USP6: variants seen among roughly 807,000 people sequenced by gnomAD.
The protein encoded by USP6 is ubiquitin specific peptidase 6, also known as ubiquitin carboxyl-terminal hydrolase 6.
USP6 carries 128 observed loss-of-function variants against 175.7 expected under a neutral mutation model. That is an observed-to-expected ratio of 0.73 (90% CI 0.63 to 0.84). The LOEUF (loss-of-function observed/expected upper bound fraction) is 0.84. Ranked by LOEUF, USP6 falls within the 40% of genes least tolerant of loss-of-function variation. The pLI, the probability that USP6 is intolerant of heterozygous loss-of-function variation, is 0.00. For synonymous variants in USP6, 562 were observed against 630.6 expected (o/e 0.89, Z 1.63); for missense variants, 1,498 against 1,760.3 (o/e 0.85, Z 2.67).
rs2074222823 is a variant in USP6, at chr17:5,171,743, A to G, written c.4047+64A>G. 2.1e-5 allele frequency: 31 copies of G among 1,505,388 alleles called. 2 individuals carry two copies. In the South Asian group the frequency reaches 2.8e-4, roughly 13 times the overall value. 93.3% of individuals were successfully genotyped at this position (1,505,388 alleles called of 1,614,324 possible). On this transcript the variant is annotated intron_variant, in intron 37 of 37. Coordinates refer to ENST00000574788, the MANE Select transcript of USP6 (RefSeq NM_001304284.2). ...AACAGAACTGGGGAACATTTGTTGA[A>G]ATAATGGACTATCTCTTGAATAGGA...
At chr17:5,118,077 A>AC (rs1254788340) in intron 1 of USP6, 123 bp from the exon 2 acceptor site, 1 of 152,302 alleles carries the variant, frequency 6.6e-6, no homozygotes, top group South Asian at 2.1e-4. Flanking sequence ...TCAAAAAAAA[A>AC]AAAAAAATCA....
At chr17:5,134,059 C>G (rs552367723) in intron 15 of USP6, 63 bp downstream of exon 15, 4 of 1,548,196 alleles carry the variant, frequency 2.6e-6, no homozygotes, top group African/African-American at 1.4e-5. Context: ...ATGGGGACTT[C>G]CCCGGAGCAG....
At chr17:5,136,122 C>A (rs1175746396) in intron 17 of USP6, among the ~76,000 whole-genome samples, 194 bp downstream of exon 17, 1 of 152,214 alleles carries the variant, frequency 6.6e-6, no homozygotes, top group Non-Finnish European at 1.5e-5. Context: ...GCCTTTCATC[C>A]CCATCAGCAG....
intron 19 of USP6, 142 bp downstream of exon 19, chr17:5,137,328 G>C (rs1293520114): frequency 2.6e-5 from 29 of 1,126,756 alleles, no homozygotes; most frequent in Non-Finnish European, 3.8e-5. Flanking sequence ...AAAACCCTCT[G>C]CCCAAGAGGG....
intron 21 of USP6, among the ~76,000 whole-genome samples, chr17:5,138,782 G>A (rs1473893076): frequency 3.3e-5 from 5 of 152,320 alleles, no homozygotes; most frequent in African/African-American, 1.2e-4. Context: ...CAGAGCCAGA[G>A]CCAAGAATTC....
intron 34 of USP6, 106 bp from the exon 35 acceptor site, chr17:5,168,661 T>C: frequency 1.4e-6 from 2 of 1,404,742 alleles, no homozygotes; most frequent in South Asian, 2.9e-5. Context: ...GTAAATGTTC[T>C]GTTATATATT....
rs544453382 is a variant in USP6 at position 5,116,101 on chromosome 17, G to A, written c.-2567G>A. On this transcript the variant is annotated 5_prime_UTR_variant, in exon 1 of 38. Coordinates refer to ENST00000574788, the MANE Select transcript of USP6 (RefSeq NM_001304284.2). ...CTCCAAATGCGTGGCCGCTGTGGGA[G>A]CTCGTCTCCAGGCGCCCATCAGTCT... is the stretch of plus-strand genomic sequence containing the variant. Among the ~76,000 whole-genome samples, 20 of 152,322 alleles carry A rather than the reference G, an allele frequency of 1.3e-4. 1 individual carries two copies. Among genetic ancestry groups the A allele is most frequent in the Admixed American group, 1.0e-3 (16 of 15,302 alleles).
chr17:5,123,485 G>A (rs1465203998), intron 4 of USP6, among the ~76,000 whole-genome samples: 2 of 152,118 alleles, frequency 1.3e-5, no homozygotes, highest in Non-Finnish European at 2.9e-5. Flanking sequence ...GCGTCACCCG[G>A]CAGCAAACAC....
In USP6 at chr17:5,155,433, A is replaced by G. The variant is rs374081705; in HGVS notation, c.2655A>G (p.Glu885=). The part of the protein sequence containing the change: ...IAVHRKMMRT[E]LYFLSPQENR... ...GTTTGTACATACAGATGAGGACAGA[A>G]CTGTATTTCCTGTCACCTCAGGAGA... The change falls in exon 31 of 38, where the codon GAA becomes GAG. Residue 885 remains glutamate (E), a synonymous_variant. Transcript: ENST00000574788. 7 of 1,613,930 alleles carry G rather than the reference A, an allele frequency of 4.3e-6. No individual in the cohort carries two copies. Among genetic ancestry groups the G allele is most frequent in the Non-Finnish European group, 5.9e-6 (7 of 1,179,942 alleles).
At position 5,133,439 on chromosome 17, in the gene USP6, A is replaced by T; in HGVS notation, c.277-4A>T. The T allele has an allele frequency of 6.2e-7, 1 of 1,610,082 alleles. No individual in the cohort carries two copies. Among genetic ancestry groups the T allele is most frequent in the East Asian group, 2.2e-5 (1 of 44,850 alleles). On this transcript the variant is annotated splice_polypyrimidine_tract_variant and splice_region_variant and intron_variant, in intron 13 of 37. Coordinates refer to ENST00000574788, the MANE Select transcript of USP6 (RefSeq NM_001304284.2). Reference sequence around the variant, plus strand: ...TGTGACACCAGATTCTTTTCTGCCCACAGCTCATAGATCGAGTGTACAAGG... The same window carrying T: ...TGTGACACCAGATTCTTTTCTGCCCTCAGCTCATAGATCGAGTGTACAAGG...
At chr17:5,161,687 C>A in intron 32 of USP6, 73 bp downstream of exon 32, 1 of 1,526,340 alleles carries the variant, frequency 6.6e-7, no homozygotes, top group Non-Finnish European at 9.0e-7. Flanking sequence ...CCTAAGATTT[C>A]CAATTTTGAG....
chr17:5,158,658 A>G (rs1184502904), intron 31 of USP6, among the ~76,000 whole-genome samples: 4 of 148,202 alleles, frequency 2.7e-5, no homozygotes, highest in Admixed American at 2.7e-4. Context: ...AGAGAGAGAG[A>G]GAGAGAGAGA....
chr17:5,145,276 G>T lies in USP6; in HGVS notation c.1993-129G>T, dbSNP rs1347482067. ...TTTCCATCTCAATTTAATATTTTAT[G>T]TTAAATGAAGAGTAAGGATTATATT... is the stretch of plus-strand genomic sequence containing the variant. On this transcript the variant is annotated intron_variant, in intron 26 of 37. Transcript: ENST00000574788. The T allele has an allele frequency of 4.3e-6, 5 of 1,163,202 alleles. No individual in the cohort carries two copies. The African/African-American group carries it at 8.0e-5, about 19-fold the overall frequency. The allele number at this position is 1,163,202 out of a possible 1,614,324, so 72.1% of individuals were successfully genotyped here.
At chr17:5,130,221 A>G in intron 9 of USP6, 132 bp downstream of exon 9, 3 of 723,356 alleles carry the variant, frequency 4.1e-6, no homozygotes, top group South Asian at 1.7e-5. Context: ...GGTGTGGGCC[A>G]TGGGGTTTGG....
At chr17:5,135,668 A>T in intron 16 of USP6, 140 bp from the exon 17 acceptor site, 1 of 1,575,062 alleles carries the variant, frequency 6.3e-7, no homozygotes. Flanking sequence ...TTGTCATGAA[A>T]TGAATTTGCA....
In USP6 at chr17:5,172,825, T is replaced by C; in HGVS notation, c.4068T>C (p.Ile1356=). 6.2e-7 allele frequency: 1 copy of C among 1,613,662 alleles called. No individual in the cohort carries two copies. The highest frequency in any genetic ancestry group is 8.5e-7 in the Non-Finnish European group (1 of 1,179,860). ...TTCAGGAACTTCACCCTGATGAAAT[T>C]GACACCGACTCTGCCTACATTCTTT... ...SSCEELHPDE[I]DTDSAYILFY... is the part of the protein sequence containing the mutation. The change falls in exon 38 of 38, where the codon ATT becomes ATC. Residue 1356 remains isoleucine (I), a synonymous_variant. Transcript: ENST00000574788.
Position 5,132,862 on chromosome 17 carries a change from C to T in USP6, c.196-48C>T, listed in dbSNP as rs777429175. 7.5e-6 allele frequency: 12 copies of T among 1,609,392 alleles called. No individual in the cohort carries two copies. In the African/African-American group the frequency reaches 1.3e-4, roughly 18 times the overall value. ...CAAGACTCAGCATCCATGGGCGGCT[C>T]TGGGAAGCCTGGCAGCTCCACTAAC... On this transcript the variant is annotated intron_variant, in intron 12 of 37. Transcript: ENST00000574788. This position sits in a 1 kb window ranked among gnomAD's most constrained non-coding sequence, Gnocchi z 4.7.
Position 5,132,445 on chromosome 17 carries a change from T to C in USP6, c.195+10T>C. 2 of 1,612,014 alleles carry C rather than the reference T, an allele frequency of 1.2e-6. No individual in the cohort carries two copies. Among genetic ancestry groups the C allele is most frequent in the Non-Finnish European group, 1.7e-6 (2 of 1,179,814 alleles). On this transcript the variant is annotated intron_variant, in intron 12 of 37. Transcript: ENST00000574788. The surrounding 1 kb of genome is among the most constrained non-coding windows in gnomAD (Gnocchi z 4.7). Reference sequence around the variant, plus strand: ...TGCACGGGAGGCGAAGGTAAGAGCCTGATGCGTGGAGGGGCTGGTCCAGGG... The same window carrying C: ...TGCACGGGAGGCGAAGGTAAGAGCCCGATGCGTGGAGGGGCTGGTCCAGGG...
chr17:5,147,117 CAGTG>C lies in USP6; in HGVS notation c.2357_2360del (p.Val786AlafsTer24). 2 of 1,613,732 alleles carry C rather than the reference CAGTG, an allele frequency of 1.2e-6. No individual in the cohort carries two copies. Among genetic ancestry groups the C allele is most frequent in the Non-Finnish European group, 8.5e-7 (1 of 1,179,820 alleles). On this transcript the variant is annotated frameshift_variant, in exon 29 of 38. Coordinates refer to ENST00000574788, the MANE Select transcript of USP6 (RefSeq NM_001304284.2). LOFTEE classifies it high-confidence loss of function. ...CAGGATAACCAAAAAGTACAACTCTCAGTGAGCGGATTTTTGTGTGCATTTGAAA... is the reference window on the plus strand; with the variant it reads ...CAGGATAACCAAAAAGTACAACTCTCAGCGGATTTTTGTGTGCATTTGAAA...
Sources: allele counts gnomAD v4.1 joint callset (sites outside exome capture counted in the v4.1 genomes callset), GRCh38; gene constraint gnomAD v4.1.1; non-coding constraint Gnocchi (gnomAD v3.1); transcripts MANE v1.5; gene names NCBI Gene and HGNC (gene_info 2026-07-23, HGNC 2026-07-21).